ANK1: variants seen among roughly 807,000 people sequenced by gnomAD.
ANK1 encodes ankyrin 1.
Under a neutral mutation model 210.4 loss-of-function variants are expected in ANK1, and 51 were observed. The ratio of observed to expected loss-of-function variants is 0.24; its 90% CI spans 0.19 to 0.31. The LOEUF (loss-of-function observed/expected upper bound fraction) is 0.31, where lower values mean the gene tolerates loss of function less well. Among genes scored for constraint, ANK1 ranks in the 10% least tolerant of loss-of-function variants. The pLI, the probability that ANK1 is intolerant of heterozygous loss-of-function variation, is 1.00. For synonymous variants in ANK1, 967 were observed against 1,025.9 expected (o/e 0.94, Z 1.10); for missense variants, 2,051 against 2,504.4 (o/e 0.82, Z 3.86).
chr8:41,661,730 T>G, intron 41 of ANK1, 146 bp downstream of exon 41: 1 of 1,603,226 alleles, frequency 6.2e-7, no homozygotes, highest in Non-Finnish European at 8.5e-7. Context: ...GGAGGTGTCA[T>G]GCAGACGGCC....
At chr8:41,699,751 C>G (rs1822168517) in intron 22 of ANK1, among the ~76,000 whole-genome samples, 1 of 152,210 alleles carries the variant, frequency 6.6e-6, no homozygotes, top group Non-Finnish European at 1.5e-5. Flanking sequence ...GCAGCCAGCT[C>G]CTGACATCTT....
At chr8:41,777,369 GT>G (rs1844278049) in intron 1 of ANK1, among the ~76,000 whole-genome samples, 1 of 152,148 alleles carries the variant, frequency 6.6e-6, no homozygotes, top group Admixed American at 6.5e-5. Flanking sequence ...GAGGTCAGGA[GT>G]TCGAGACCAG....
At chr8:41,744,388 C>A (rs1835537348) in intron 2 of ANK1, among the ~76,000 whole-genome samples, 1 of 152,050 alleles carries the variant, frequency 6.6e-6, no homozygotes, top group South Asian at 2.1e-4. Flanking sequence ...CATTAATAGA[C>A]TGAAATATTT....
At chr8:41,879,644 C>T (rs1008517420) in intron 1 of ANK1, among the ~76,000 whole-genome samples, 3 of 152,264 alleles carry the variant, frequency 2.0e-5, no homozygotes, top group Admixed American at 6.5e-5. Context: ...TGGACAGATT[C>T]TCTTTCATCC....
At chr8:41,669,112 T>G (rs1410910636) in intron 38 of ANK1, among the ~76,000 whole-genome samples, 1 of 150,000 alleles carries the variant, frequency 6.7e-6, no homozygotes, top group Non-Finnish European at 1.5e-5. Context: ...CTTCTGAACA[T>G]AGGAGCACCC....
rs899572411 is a variant in ANK1 at position 41,665,087 on chromosome 8, C to T, written c.5395-1345G>A. On this transcript the variant is annotated intron_variant, in intron 39 of 42. Coordinates refer to ENST00000289734, the MANE Select transcript of ANK1 (RefSeq NM_000037.4). ...GCCCCGGCCACCACGGGGGGCCTGC[C>T]TCTCATTCTCCACTGGGACTCCTGA... 74 of 1,589,142 alleles carry T rather than the reference C, an allele frequency of 4.7e-5. 1 individual carries two copies. The South Asian group carries it at 8.1e-4, about 17-fold the overall frequency.
chr8:41,703,450 A>ATATATATATATATATT (rs59985416), intron 20 of ANK1, among the ~76,000 whole-genome samples: 83 of 58,792 alleles, frequency 1.4e-3, no homozygotes, highest in East Asian at 3.2e-3. Context: ...ATATATATAT[A>ATATATATATATATATT]TTTTTTTTTT....
Position 41,716,950 on chromosome 8 carries a change from C to G in ANK1, c.1404+3G>C, listed in dbSNP as rs1827847333. The stretch of plus-strand genomic sequence containing the variant: ...CCCTTCCCTTCCTGCCTTCACTACT[C>G]ACCTTGGCCTTGGCATTGACTTTGG... On this transcript the variant is annotated splice_donor_region_variant and intron_variant, in intron 13 of 42. Coordinates refer to ENST00000289734, the MANE Select transcript of ANK1 (RefSeq NM_000037.4). 2.5e-6 allele frequency: 4 copies of G among 1,613,876 alleles called. No individual in the cohort carries two copies. The highest frequency in any genetic ancestry group is 3.4e-6 in the Non-Finnish European group (4 of 1,179,976).
At chr8:41,723,261 G>A in intron 8 of ANK1, 38 bp from the exon 9 acceptor site, 1 of 1,606,272 alleles carries the variant, frequency 6.2e-7, no homozygotes, top group Non-Finnish European at 8.5e-7. Context: ...AGCCCAAAAG[G>A]CAGCTATCAG....
At chr8:41,851,924 C>T (rs1436367538) in intron 1 of ANK1, among the ~76,000 whole-genome samples, 1 of 152,156 alleles carries the variant, frequency 6.6e-6, no homozygotes, top group East Asian at 1.9e-4. Context: ...ATTCCTCTAC[C>T]ATTGGCCCCC....
chr8:41,775,952 A>G (rs1843937576), intron 1 of ANK1, among the ~76,000 whole-genome samples: 1 of 152,224 alleles, frequency 6.6e-6, no homozygotes, highest in Non-Finnish European at 1.5e-5. Flanking sequence ...GTTAGATGTT[A>G]ACACATTTAA....
intron 1 of ANK1, among the ~76,000 whole-genome samples, chr8:41,869,471 T>G (rs779511654): frequency 6.6e-6 from 1 of 152,196 alleles, no homozygotes; most frequent in African/African-American, 2.4e-5. Context: ...TCCCAGGTAC[T>G]TGGGAGGCTG....
In ANK1 at chr8:41,672,601, A is replaced by G; in HGVS notation, c.4849T>C (p.Ser1617Pro). 6.2e-7 allele frequency: 1 copy of G among 1,614,190 alleles called. No individual in the cohort carries two copies. Among genetic ancestry groups the G allele is most frequent in the Non-Finnish European group, 8.5e-7 (1 of 1,180,034 alleles). ...SEEPRGPELG[S>P]LELVEDDTVD... The stretch of plus-strand genomic sequence containing the variant: ...GTGTCGTCCTCCACAAGTTCCAGAG[A>G]GCCCAACTCGGGGCCCCGCGGTTCC... Residue 1617 changes from serine to proline, a missense_variant, in exon 38 of 43, where the codon TCT becomes CCT. This residue lies in a region of ANK1 where 496 missense variants were observed against 533.4 expected (regional missense o/e 0.93). Coordinates refer to ENST00000289734, the MANE Select transcript of ANK1 (RefSeq NM_000037.4).
At position 41,701,914 on chromosome 8, in the gene ANK1, C is replaced by T. The variant is rs553613199; in HGVS notation, c.2388+138G>A. The T allele has an allele frequency of 1.0e-4, 95 of 907,272 alleles. 1 individual carries two copies. The highest frequency in any genetic ancestry group is 4.7e-4 in the Admixed American group (23 of 48,828). The allele number at this position is 907,272 out of a possible 1,614,324, so 56.2% of individuals were successfully genotyped here. On this transcript the variant is annotated intron_variant, in intron 21 of 42. Transcript: ENST00000289734. ...ACAGCCCCGCTGGAAGGAGGACAAG[C>T]TCCCACCCGTCGGGCGCGGCGCCTC...
chr8:41,673,017 C>T (rs745621211), intron 37 of ANK1, 105 bp from the exon 38 acceptor site: 40 of 1,197,410 alleles, frequency 3.3e-5, no homozygotes, highest in Non-Finnish European at 4.6e-5. Flanking sequence ...CGGGTGCGGC[C>T]ACAGAGATGC....
Position 41,668,229 on chromosome 8 carries a change from G to A in ANK1, c.5394+38C>T. 10 of 1,613,722 alleles carry A rather than the reference G, an allele frequency of 6.2e-6. No homozygotes were observed. In the South Asian group the frequency reaches 8.8e-5, roughly 14 times the overall value. On this transcript the variant is annotated intron_variant, in intron 39 of 42. Transcript: ENST00000289734. ...GAGTCCCGGCCCCTTCCGATGCTGG[G>A]AAGGAACAGCAGCACGCAGCTCCCC...
intron 1 of ANK1, among the ~76,000 whole-genome samples, chr8:41,893,602 C>T (rs528770692): frequency 6.6e-6 from 1 of 152,334 alleles, no homozygotes; most frequent in South Asian, 2.1e-4. Context: ...GGGAGGGATG[C>T]GGTTCTGCTC....
At chr8:41,725,981 G>A (rs1225651237) in intron 5 of ANK1, 35 bp from the exon 6 acceptor site, 1 of 1,604,392 alleles carries the variant, frequency 6.2e-7, no homozygotes, top group Non-Finnish European at 8.5e-7. Flanking sequence ...GCTCTGACTC[G>A]TCTGACGCCA....
intron 1 of ANK1, among the ~76,000 whole-genome samples, chr8:41,887,379 T>C (rs1818651630): frequency 6.6e-6 from 1 of 151,434 alleles, no homozygotes; most frequent in Non-Finnish European, 1.5e-5. Context: ...GCCTCCTGAG[T>C]AGGTGGGACT....
Sources: allele counts gnomAD v4.1 joint callset (sites outside exome capture counted in the v4.1 genomes callset), GRCh38; gene constraint gnomAD v4.1.1; regional missense constraint gnomAD v4.1.1; transcripts MANE v1.5; gene names NCBI Gene and HGNC (gene_info 2026-07-23, HGNC 2026-07-21).